NLGN1: variants seen among roughly 807,000 people sequenced by gnomAD.
The protein encoded by NLGN1 is neuroligin-1.
NLGN1 carries 12 observed loss-of-function variants against 65.5 expected under a neutral mutation model. That is an observed-to-expected ratio of 0.18 (90% CI 0.12 to 0.30). The LOEUF is 0.30. Among genes scored for constraint, NLGN1 ranks in the 10% least tolerant of loss-of-function variants. The pLI is 1.00. For synonymous variants in NLGN1, 350 were observed against 359.5 expected (o/e 0.97, Z 0.30); for missense variants, 750 against 1,007.1 (o/e 0.74, Z 3.46).
intron 4 of NLGN1, among the ~76,000 whole-genome samples, chr3:174,181,600 A>G (rs1241814952): frequency 6.6e-6 from 1 of 152,098 alleles, no homozygotes; most frequent in Non-Finnish European, 1.5e-5. Flanking sequence ...ATATTTGTTG[A>G]CTGGGAAACA....
chr3:173,490,600 C>G (rs1271481939), intron 2 of NLGN1, among the ~76,000 whole-genome samples: 1 of 152,092 alleles, frequency 6.6e-6, no homozygotes, highest in African/African-American at 2.4e-5. Flanking sequence ...TCCATATGAA[C>G]TTTAAAGTAG....
chr3:174,134,592 C>T (rs539616724), intron 4 of NLGN1, among the ~76,000 whole-genome samples: 3 of 152,184 alleles, frequency 2.0e-5, no homozygotes, highest in Admixed American at 6.5e-5. Context: ...AATGACATTA[C>T]ATGAAGAGGC....
At chr3:173,974,843 C>G (rs1717066908) in intron 4 of NLGN1, among the ~76,000 whole-genome samples, 1 of 151,990 alleles carries the variant, frequency 6.6e-6, no homozygotes. Flanking sequence ...GTCTTATTGT[C>G]TTATTTCCTA....
chr3:174,276,314 G>T (rs1750559775), intron 5 of NLGN1, among the ~76,000 whole-genome samples: 1 of 151,758 alleles, frequency 6.6e-6, no homozygotes, highest in Non-Finnish European at 1.5e-5. Context: ...ATTTTACCAT[G>T]CATAGAATCA....
chr3:173,744,069 G>T (rs1409983802), intron 3 of NLGN1, among the ~76,000 whole-genome samples: 1 of 152,104 alleles, frequency 6.6e-6, no homozygotes, highest in Non-Finnish European at 1.5e-5. Flanking sequence ...ACATGATATA[G>T]TAAGGGAAGG....
chr3:173,422,410 TTAGCTGCTATGAA>T (rs1298360468), intron 1 of NLGN1, among the ~76,000 whole-genome samples: 7 of 152,314 alleles, frequency 4.6e-5, no homozygotes, highest in Admixed American at 3.9e-4. Context: ...ACTCCATACC[TTAGCTGCTATGAA>T]TAGCACTACA....
chr3:174,044,225 G>A (rs1688434545), intron 4 of NLGN1, among the ~76,000 whole-genome samples: 1 of 152,172 alleles, frequency 6.6e-6, no homozygotes, highest in South Asian at 2.1e-4. Flanking sequence ...GCTAAGGGCT[G>A]CTGTGAAGGT....
chr3:173,648,265 A>T (rs973487891), intron 3 of NLGN1, among the ~76,000 whole-genome samples: 2 of 152,224 alleles, frequency 1.3e-5, no homozygotes, highest in African/African-American at 4.8e-5. Flanking sequence ...TAAAGGATTT[A>T]TACCCAAAAT....
chr3:173,598,131 C>T (rs544544905), intron 2 of NLGN1, among the ~76,000 whole-genome samples: 136 of 152,198 alleles, frequency 8.9e-4, no homozygotes, highest in Middle Eastern at 6.8e-3. Context: ...TTAAGGGTTA[C>T]TTTAATTACA....
intron 2 of NLGN1, among the ~76,000 whole-genome samples, chr3:173,436,210 A>G (rs1332192569): frequency 6.6e-6 from 1 of 152,268 alleles, no homozygotes; most frequent in African/African-American, 2.4e-5. Flanking sequence ...AATGACCAGC[A>G]TTAAAAGCAA....
intron 4 of NLGN1, among the ~76,000 whole-genome samples, chr3:173,840,126 G>A (rs1315490650): frequency 6.6e-6 from 1 of 152,108 alleles, no homozygotes; most frequent in Non-Finnish European, 1.5e-5. Context: ...ATTGGACAGA[G>A]TCCTGATTTC....
chr3:174,290,135 T>C (rs1480697660), downstream of NLGN1, among the ~76,000 whole-genome samples: 2 of 150,704 alleles, frequency 1.3e-5, no homozygotes, highest in Admixed American at 6.6e-5. Flanking sequence ...CACTGTTTGT[T>C]TGTTTACAGA....
At chr3:173,987,828 GACTT>G (rs1720274750) in intron 4 of NLGN1, among the ~76,000 whole-genome samples, 1 of 152,156 alleles carries the variant, frequency 6.6e-6, no homozygotes, top group African/African-American at 2.4e-5. Flanking sequence ...CGGTAAGGGA[GACTT>G]ACTTCTGAAT....
intron 3 of NLGN1, among the ~76,000 whole-genome samples, chr3:173,638,834 T>A (rs1311163715): frequency 6.6e-6 from 1 of 152,204 alleles, no homozygotes; most frequent in Non-Finnish European, 1.5e-5. Context: ...ATTCCTTTCA[T>A]GTATTAATTT....
intron 4 of NLGN1, among the ~76,000 whole-genome samples, chr3:173,908,740 T>A (rs1416794042): frequency 6.6e-6 from 1 of 152,198 alleles, no homozygotes; most frequent in Non-Finnish European, 1.5e-5. Context: ...AAATAGACAC[T>A]GCTTATAAAC....
chr3:174,160,211 A>G (rs1266261664), intron 4 of NLGN1, among the ~76,000 whole-genome samples: 1 of 151,812 alleles, frequency 6.6e-6, no homozygotes, highest in East Asian at 1.9e-4. Context: ...TATTATACAA[A>G]GAAATTCATC....
At chr3:173,877,271 G>A (rs1732310444) in intron 4 of NLGN1, among the ~76,000 whole-genome samples, 1 of 152,064 alleles carries the variant, frequency 6.6e-6, no homozygotes, top group Non-Finnish European at 1.5e-5. Context: ...TGATATCCTT[G>A]CCAACAATAA....
intron 3 of NLGN1, among the ~76,000 whole-genome samples, chr3:173,758,390 T>G (rs192021663): frequency 6.6e-6 from 1 of 152,072 alleles, no homozygotes; most frequent in Non-Finnish European, 1.5e-5. Context: ...ATGTTATGTA[T>G]TTTTTAAAAA....
chr3:173,747,801 C>CTTCTTTTT (rs1775714048), intron 3 of NLGN1, among the ~76,000 whole-genome samples: 2 of 64,422 alleles, frequency 3.1e-5, no homozygotes, highest in African/African-American at 1.2e-4. Flanking sequence ...TCTTCTTGTT[C>CTTCTTTTT]TTTTTTTTTT....
Sources: gnomAD v4.1 joint callset for allele counts (sites outside exome capture counted in the v4.1 genomes callset) on GRCh38, gnomAD v4.1.1 for gene constraint, MANE v1.5 for transcripts, NCBI Gene and HGNC (gene_info 2026-07-23, HGNC 2026-07-21) for gene names.